Variants in LRRTM4 observed in about 807,000 individuals in gnomAD.
LRRTM4 encodes leucine-rich repeat transmembrane neuronal protein 4.
In LRRTM4, 25 loss-of-function variants were observed where a neutral mutation model predicts 47.6. That is an observed-to-expected ratio of 0.53 (90% CI 0.38 to 0.73). The LOEUF (loss-of-function observed/expected upper bound fraction) is 0.73. Among genes scored for constraint, LRRTM4 ranks in the 30% least tolerant of loss-of-function variants. The pLI is 0.00. For missense variants in LRRTM4, 638 were observed against 713.4 expected, an observed-to-expected ratio of 0.89 and a Z score of 1.20; for synonymous variants, 311 against 269.5, an observed-to-expected ratio of 1.15 and a Z score of -1.51.
intron 3 of LRRTM4, among the ~76,000 whole-genome samples, chr2:77,412,893 GA>G (rs1389142531): frequency 6.6e-6 from 1 of 151,998 alleles, no homozygotes; most frequent in African/African-American, 2.4e-5. Context: ...TAGTAAGAGG[GA>G]AAAAATAATG....
Position 76,819,247 on chromosome 2 carries a change from T to C in LRRTM4, c.1552-70331A>G, listed in dbSNP as rs552786238. Among the ~76,000 whole-genome samples, 450 of 132,190 alleles carry C rather than the reference T, an allele frequency of 3.4e-3. 2 individuals are homozygous for C. The highest frequency in any genetic ancestry group is 8.3e-3 in the Middle Eastern group (2 of 240). 86.7% of individuals were successfully genotyped at this position (132,190 alleles called of 152,430 possible). A position where few individuals can be genotyped will look rare whatever the true frequency, so the allele number is the denominator to read the frequency against. ...ATATATATTATATCATAGAATGTTT[T>C]TAAAAATATATGAGACAGATGTTAA... On this transcript the variant is annotated intron_variant, in intron 3 of 3. Transcript: ENST00000409884.
At chr2:77,075,691 A>G (rs11126581) in intron 3 of LRRTM4, among the ~76,000 whole-genome samples, 59,762 of 150,446 alleles carry the variant, frequency 0.4, 13,735 homozygotes, top group East Asian at 0.68. Context: ...CGAGGCGGGC[A>G]GATCACGAGG....
chr2:77,044,054 C>A (rs561498157), intron 3 of LRRTM4, among the ~76,000 whole-genome samples: 1 of 151,434 alleles, frequency 6.6e-6, no homozygotes, highest in African/African-American at 2.4e-5. Context: ...TCCTCATTTT[C>A]TTCCAAATAA....
At chr2:77,446,106 G>A (rs931508832) in intron 3 of LRRTM4, among the ~76,000 whole-genome samples, 4 of 151,996 alleles carry the variant, frequency 2.6e-5, no homozygotes, top group African/African-American at 9.7e-5. Context: ...AATCTATATA[G>A]GTAGCACAGA....
chr2:77,235,703 G>T (rs1216546935), intron 3 of LRRTM4, among the ~76,000 whole-genome samples: 1 of 152,132 alleles, frequency 6.6e-6, no homozygotes, highest in Non-Finnish European at 1.5e-5. Context: ...ATGGTGAAAA[G>T]TAAGGGTCCA....
intron 3 of LRRTM4, among the ~76,000 whole-genome samples, chr2:77,447,189 T>C (rs531901682): frequency 6.7e-6 from 1 of 149,252 alleles, no homozygotes; most frequent in East Asian, 2.0e-4. Context: ...ACTCCAAGTA[T>C]AGTCAGTTCT....
At chr2:77,070,505 T>C (rs1680116165) in intron 3 of LRRTM4, among the ~76,000 whole-genome samples, 1 of 150,454 alleles carries the variant, frequency 6.6e-6, no homozygotes, top group East Asian at 2.0e-4. Context: ...AAAATATTAT[T>C]ATCACTAAAA....
At chr2:77,216,433 G>A (rs935726300) in intron 3 of LRRTM4, among the ~76,000 whole-genome samples, 4 of 152,114 alleles carry the variant, frequency 2.6e-5, no homozygotes, top group Admixed American at 6.5e-5. Flanking sequence ...TTGGGAGGCC[G>A]AGGTGGGCGG....
Position 77,320,060 on chromosome 2 carries a change from T to C in LRRTM4, c.1551+198258A>G, listed in dbSNP as rs117423122. On this transcript the variant is annotated intron_variant, in intron 3 of 3. Coordinates refer to ENST00000409884, the MANE Select transcript of LRRTM4 (RefSeq NM_001134745.3). ...GGAAACCGGCCTATTAATTTCAGGCTTCCCGAGTCACTCTCCATTGTCCCT... is the reference window on the plus strand; with the variant it reads ...GGAAACCGGCCTATTAATTTCAGGCCTCCCGAGTCACTCTCCATTGTCCCT... 9.9e-3 allele frequency among the ~76,000 whole-genome samples: 1,506 copies of C among 152,312 alleles called. 51 individuals carry two copies. Among genetic ancestry groups the C allele is most frequent in the East Asian group, 0.067 (345 of 5,178 alleles).
At chr2:77,411,445 T>TC (rs1491464277) in intron 3 of LRRTM4, among the ~76,000 whole-genome samples, 6 of 142,892 alleles carry the variant, frequency 4.2e-5, no homozygotes, top group African/African-American at 8.1e-5. Flanking sequence ...TCTCTCTCTC[T>TC]TTCTTCTTTT....
At chr2:77,123,455 T>A (rs1002479798) in intron 3 of LRRTM4, among the ~76,000 whole-genome samples, 1 of 152,076 alleles carries the variant, frequency 6.6e-6, no homozygotes, top group African/African-American at 2.4e-5. Context: ...ATTTCCCCCA[T>A]GTTTATGTAT....
At chr2:76,776,651 G>A (rs1295305622) in intron 3 of LRRTM4, among the ~76,000 whole-genome samples, 1 of 149,632 alleles carries the variant, frequency 6.7e-6, no homozygotes. Flanking sequence ...GTAGATTCTG[G>A]ATATTAGCCC....
chr2:77,326,001 T>C (rs1385088501), intron 3 of LRRTM4, among the ~76,000 whole-genome samples: 1 of 152,198 alleles, frequency 6.6e-6, no homozygotes, highest in Non-Finnish European at 1.5e-5. Context: ...TTTTCTGACC[T>C]TTCCTCACTC....
intron 3 of LRRTM4, among the ~76,000 whole-genome samples, chr2:77,230,967 T>G (rs1233468980): frequency 2.0e-5 from 3 of 152,114 alleles, no homozygotes; most frequent in Non-Finnish European, 4.4e-5. Context: ...TTTGCCAGAT[T>G]TAGAAAATGC....
intron 3 of LRRTM4, among the ~76,000 whole-genome samples, chr2:77,263,074 G>C (rs1054686010): frequency 1.4e-4 from 21 of 152,050 alleles, no homozygotes; most frequent in Non-Finnish European, 2.6e-4. Context: ...GCTGAAGGTT[G>C]AGTTAATCAC....
intron 3 of LRRTM4, among the ~76,000 whole-genome samples, chr2:76,901,203 C>G (rs1057452696): frequency 2.0e-5 from 3 of 152,096 alleles, no homozygotes; most frequent in Non-Finnish European, 4.4e-5. Flanking sequence ...CTCCCTCCCC[C>G]ATCCCAAACC....
chr2:77,343,029 A>G (rs982575778), intron 3 of LRRTM4, among the ~76,000 whole-genome samples: 1 of 152,020 alleles, frequency 6.6e-6, no homozygotes, highest in African/African-American at 2.4e-5. Flanking sequence ...CTTTTGCAGT[A>G]AGACAGTTTG....
intron 3 of LRRTM4, among the ~76,000 whole-genome samples, chr2:76,937,575 T>G (rs1201238494): frequency 6.6e-6 from 1 of 152,180 alleles, no homozygotes; most frequent in African/African-American, 2.4e-5. Flanking sequence ...CTTTCTTTTG[T>G]GTGTATGTGT....
chr2:77,398,904 G>C (rs1445297990), intron 3 of LRRTM4, among the ~76,000 whole-genome samples: 1 of 151,810 alleles, frequency 6.6e-6, no homozygotes, highest in Admixed American at 6.6e-5. Context: ...GGGGAAAGAG[G>C]TGCTTTGTTT....
Sources: gnomAD v4.1 joint callset for allele counts (sites outside exome capture counted in the v4.1 genomes callset) on GRCh38, gnomAD v4.1.1 for gene constraint, MANE v1.5 for transcripts, NCBI Gene and HGNC (gene_info 2026-07-23, HGNC 2026-07-21) for gene names.